Variants in PTH2R observed in about 807,000 individuals in gnomAD.
PTH2R encodes parathyroid hormone 2 receptor.
A neutral mutation model predicts 60.3 loss-of-function variants in PTH2R; 59 were observed. The observed-to-expected ratio is 0.98, with a 90% CI of 0.79 to 1.22. PTH2R has a LOEUF of 1.22. Ranked by LOEUF, PTH2R falls within the 50% of genes most tolerant of loss-of-function variation. The pLI is 0.00. For synonymous variants in PTH2R, 256 were observed against 243.8 expected, an observed-to-expected ratio of 1.05 and a Z score of -0.47; for missense variants, 749 against 682.6, an observed-to-expected ratio of 1.10 and a Z score of -1.08.
chr2:208,415,873 T>C (rs1295517811), intron 1 of PTH2R, among the ~76,000 whole-genome samples: 3 of 152,198 alleles, frequency 2.0e-5, no homozygotes, highest in Non-Finnish European at 2.9e-5. Flanking sequence ...CAATGGTGAA[T>C]TAATAAATGG....
chr2:208,413,139 G>T, intron 1 of PTH2R, among the ~76,000 whole-genome samples: 1 of 46,498 alleles, frequency 2.2e-5, no homozygotes, highest in Admixed American at 3.2e-4. Context: ...TTTAAAAAGT[G>T]ACCACACACA....
At chr2:208,379,625 C>T (rs1300260493) in intron 1 of PTH2R, among the ~76,000 whole-genome samples, 2 of 123,192 alleles carry the variant, frequency 1.6e-5, no homozygotes, top group Admixed American at 9.0e-5. Flanking sequence ...TTTCGGAGGC[C>T]CAGGTGGGCG....
rs1553542827 is a variant in PTH2R, at chr2:208,408,740, A to AGAAAG, written c.75+1622_75+1623insGAAAG. On this transcript the variant is annotated intron_variant, in intron 1 of 12. Coordinates refer to ENST00000272847, the MANE Select transcript of PTH2R (RefSeq NM_005048.4). The stretch of plus-strand genomic sequence containing the variant: ...GAAAGGAAAGAGAGAGAGAGAGAGA[A>AGAAAG]AGAGAGAGAGAGAGAGAGAGAGAGA... 1.0e-3 allele frequency among the ~76,000 whole-genome samples: 123 copies of AGAAAG among 123,356 alleles called. 1 individual carries two copies. The highest frequency in any genetic ancestry group is 3.9e-3 in the Middle Eastern group (1 of 254). The allele number at this position is 123,356 out of a possible 152,430, so 80.9% of individuals were successfully genotyped here. A position where few individuals can be genotyped will look rare whatever the true frequency, so the allele number is the denominator to read the frequency against.
At chr2:208,471,748 C>G (rs1300549557) in intron 9 of PTH2R, among the ~76,000 whole-genome samples, 1 of 152,204 alleles carries the variant, frequency 6.6e-6, no homozygotes, top group Non-Finnish European at 1.5e-5. Flanking sequence ...AAGAGGGCCA[C>G]TGTCCTCCAG....
intron 9 of PTH2R, among the ~76,000 whole-genome samples, chr2:208,472,400 C>T (rs999087220): frequency 6.6e-6 from 1 of 152,282 alleles, no homozygotes; most frequent in South Asian, 2.1e-4. Context: ...GCAACAAGTT[C>T]CTCACCTCCA....
Position 208,489,052 on chromosome 2 carries a change from G to A in PTH2R, c.1117G>A (p.Gly373Arg). 6.2e-7 allele frequency: 1 copy of A among 1,614,040 alleles called. No individual in the cohort carries two copies. The highest frequency in any genetic ancestry group is 8.5e-7 in the Non-Finnish European group (1 of 1,180,008). The change falls in exon 11 of 13, where the codon GGA (glycine) becomes AGA (arginine). Residue 373 changes from glycine (G) to arginine (R), a missense_variant. Physicochemically the swap from Gly to Arg is moderately radical, Grantham distance 125. Coordinates refer to ENST00000272847, the MANE Select transcript of PTH2R (RefSeq NM_005048.4). ...KSTLVLVLVF[G>R]VHYIVFVCLP... ...GACACTGGTCCTGGTCCTAGTCTTT[G>A]GAGTGCATTACATCGTGTTCGTATG...
chr2:208,481,829 T>G (rs1027387122), intron 10 of PTH2R, among the ~76,000 whole-genome samples: 3 of 152,228 alleles, frequency 2.0e-5, no homozygotes, highest in Non-Finnish European at 4.4e-5. Context: ...TGTATTGTTT[T>G]TAATCTTTAC....
chr2:208,423,617 ATGGCATTGT>A (rs779454091), intron 1 of PTH2R, among the ~76,000 whole-genome samples: 27 of 152,300 alleles, frequency 1.8e-4, no homozygotes, highest in Non-Finnish European at 3.8e-4. Context: ...CTGTTGGTTG[ATGGCATTGT>A]TGAGTTCTAT....
chr2:208,445,926 T>C (rs1344122750), intron 7 of PTH2R, among the ~76,000 whole-genome samples: 1 of 152,178 alleles, frequency 6.6e-6, no homozygotes, highest in East Asian at 1.9e-4. Context: ...TATCTTTGAC[T>C]AGCAGTTACT....
chr2:208,481,145 G>T lies in PTH2R; in HGVS notation c.1057G>T (p.Asp353Tyr). 1 of 1,608,830 alleles carries T rather than the reference G, an allele frequency of 6.2e-7. No homozygotes were observed. The highest frequency in any genetic ancestry group is 1.1e-5 in the South Asian group (1 of 90,778). ...KIWETNAVGH[D>Y]TRKQYRKLAK... is the part of the protein sequence containing the mutation. ...CTGGGAGACCAATGCAGTTGGGCATGACACAAGGAAGCAATACAGGTAATT... is the reference window on the plus strand; with the variant it reads ...CTGGGAGACCAATGCAGTTGGGCATTACACAAGGAAGCAATACAGGTAATT... Residue 353 changes from aspartate to tyrosine, a missense_variant, in exon 10 of 13, where the codon GAC (aspartate) becomes TAC (tyrosine). Coordinates refer to ENST00000272847, the MANE Select transcript of PTH2R (RefSeq NM_005048.4).
intron 10 of PTH2R, among the ~76,000 whole-genome samples, chr2:208,488,213 G>C (rs773114570): frequency 6.6e-6 from 1 of 152,162 alleles, no homozygotes; most frequent in African/African-American, 2.4e-5. Flanking sequence ...AAGGCACCTT[G>C]AGACAGAGTA....
At chr2:208,440,269 A>G (rs1166951565) in intron 4 of PTH2R, among the ~76,000 whole-genome samples, 3 of 152,204 alleles carry the variant, frequency 2.0e-5, no homozygotes, top group Non-Finnish European at 2.9e-5. Context: ...AGTCATAACA[A>G]TAACAACTTC....
In PTH2R at chr2:208,493,738, T is replaced by C. The variant is rs1050677333; in HGVS notation, c.*79T>C. On this transcript the variant is annotated 3_prime_UTR_variant, in exon 13 of 13. Transcript: ENST00000272847. The stretch of plus-strand genomic sequence containing the variant: ...AGGGCTTGGCTGATACTCCTATGCT[T>C]GAGTTCAAAGGCTGAAAATTCAGTT... The C allele has an allele frequency of 4.2e-6, 6 of 1,430,924 alleles. No homozygotes were observed. Among genetic ancestry groups the C allele is most frequent in the Non-Finnish European group, 5.6e-6 (6 of 1,076,336 alleles). 88.6% of individuals were successfully genotyped at this position (1,430,924 alleles called of 1,614,324 possible).
At chr2:208,445,941 A>G (rs1305153229) in intron 7 of PTH2R, among the ~76,000 whole-genome samples, 1 of 152,166 alleles carries the variant, frequency 6.6e-6, no homozygotes, top group Non-Finnish European at 1.5e-5. Context: ...GTTACTGAAA[A>G]TAAAAAAGAT....
chr2:208,408,711 A>G (rs1222988381), intron 1 of PTH2R, among the ~76,000 whole-genome samples: 3 of 142,296 alleles, frequency 2.1e-5, no homozygotes, highest in Non-Finnish European at 4.6e-5. Context: ...GAAAAGAAAG[A>G]GAAGAAAGGA....
At chr2:208,483,681 C>G (rs574483588) in intron 10 of PTH2R, among the ~76,000 whole-genome samples, 12 of 152,154 alleles carry the variant, frequency 7.9e-5, no homozygotes, top group Non-Finnish European at 1.0e-4. Context: ...CCAAAGATTT[C>G]AAGTATGAAA....
intron 10 of PTH2R, among the ~76,000 whole-genome samples, chr2:208,485,726 G>T (rs1341772724): frequency 6.6e-6 from 1 of 152,148 alleles, no homozygotes. Context: ...CTGCCCATGG[G>T]TGTATAAGCC....
upstream of PTH2R, among the ~76,000 whole-genome samples, chr2:208,403,472 T>A (rs1701346399): frequency 1.3e-5 from 2 of 152,168 alleles, no homozygotes; most frequent in Admixed American, 6.5e-5. Flanking sequence ...ATTTGTCCAG[T>A]TAGCATTTGG....
At chr2:208,379,269 A>G (rs1004742948) in intron 1 of PTH2R, among the ~76,000 whole-genome samples, 3 of 152,164 alleles carry the variant, frequency 2.0e-5, no homozygotes, top group African/African-American at 7.3e-5. Flanking sequence ...TTCTTTGTTG[A>G]AATGTTGGAT....
Sources: gnomAD v4.1 joint callset for allele counts (sites outside exome capture counted in the v4.1 genomes callset) on GRCh38, gnomAD v4.1.1 for gene constraint, MANE v1.5 for transcripts, NCBI Gene and HGNC (gene_info 2026-07-23, HGNC 2026-07-21) for gene names.